Variants in DTNBP1 observed in about 807,000 individuals in gnomAD.
The protein encoded by DTNBP1 is dysbindin.
In DTNBP1, 35 loss-of-function variants were observed where a neutral mutation model predicts 42.8. That is an observed-to-expected ratio of 0.82 (90% confidence interval 0.63 to 1.09). DTNBP1 has a LOEUF of 1.09. Ranked by LOEUF, DTNBP1 falls within the 50% of genes least tolerant of loss-of-function variation. DTNBP1 has a pLI of 0.00. For synonymous variants in DTNBP1, 171 were observed against 162.2 expected (o/e 1.05, Z -0.41); for missense variants, 457 against 424.2 (o/e 1.08, Z -0.68).
At chr6:15,637,650 G>C in intron 4 of DTNBP1, 94 bp downstream of exon 4, 1 of 1,366,046 alleles carries the variant, frequency 7.3e-7, no homozygotes, top group Non-Finnish European at 1.0e-6. Flanking sequence ...AAAACATTTT[G>C]ACACAAACAA....
chr6:15,527,903 T>C (rs1023272166), intron 8 of DTNBP1, among the ~76,000 whole-genome samples: 3 of 152,012 alleles, frequency 2.0e-5, no homozygotes, highest in Admixed American at 6.6e-5. Flanking sequence ...TAACGAGAAA[T>C]AGTAAATCTC....
At position 15,662,843 on chromosome 6, in the gene DTNBP1, C is replaced by T. The variant is rs764317026; in HGVS notation, c.27G>A (p.Leu9=). ...AGGTGAAATCCTGCTGCACGCTCAG[C>T]AGCCGCTCGCGAAGGGTCTCCAGCA... MLETLRER[L]LSVQQDFTSG... is the part of the protein sequence containing the mutation. The change falls in exon 1 of 10, where the codon CTG becomes CTA. Residue 9 remains leucine (L), a synonymous_variant. Transcript: ENST00000344537. 4.3e-6 allele frequency: 7 copies of T among 1,609,404 alleles called. No individual in the cohort carries two copies. In the East Asian group the frequency reaches 1.6e-4, roughly 36 times the overall value.
chr6:15,595,250 CTTTTTTTTTT>C lies in DTNBP1; in HGVS notation c.489-2179_489-2170del, dbSNP rs561001975. On this transcript the variant is annotated intron_variant, in intron 6 of 9. Transcript: ENST00000344537. ...AAAGAAAAAAATCAGTATTATGCAA[CTTTTTTTTTT>C]TTTTTTTTTTTTTTTTTTTTTTGAG... is the stretch of plus-strand genomic sequence containing the variant. 1.4e-3 allele frequency: 428 copies of C among 310,390 alleles called. No homozygotes were observed. The African/African-American group carries it at 0.014, about 10-fold the overall frequency. 19.2% of individuals were successfully genotyped at this position (310,390 alleles called of 1,614,324 possible).
At chr6:15,576,526 A>G (rs1443370970) in intron 7 of DTNBP1, among the ~76,000 whole-genome samples, 2 of 151,860 alleles carry the variant, frequency 1.3e-5, no homozygotes, top group African/African-American at 4.8e-5. Context: ...CTATAATCCC[A>G]GCACTTTGGG....
At position 15,637,757 on chromosome 6, in the gene DTNBP1, GCA is replaced by G. The variant is rs1304969174; in HGVS notation, c.207_208del (p.Ala70LysfsTer8). On this transcript the variant is annotated frameshift_variant, in exon 4 of 10. Transcript: ENST00000344537. LOFTEE classifies it high-confidence loss of function. Reference sequence around the variant, plus strand: ...TCAATTCTTTACCTCTCCAGCACTTGCACAGTCTTTGGCTCTTCTGTGAAGTG... The same window carrying G: ...TCAATTCTTTACCTCTCCAGCACTTGCAGTCTTTGGCTCTTCTGTGAAGTG... 6.2e-7 allele frequency: 1 copy of G among 1,613,696 alleles called. No individual in the cohort carries two copies. Among genetic ancestry groups the G allele is most frequent in the South Asian group, 1.1e-5 (1 of 91,090 alleles).
At chr6:15,562,364 C>G (rs149743632) in intron 7 of DTNBP1, among the ~76,000 whole-genome samples, 7 of 152,034 alleles carry the variant, frequency 4.6e-5, no homozygotes, top group Admixed American at 3.3e-4. Flanking sequence ...AATTGAGAAA[C>G]CTTTGACTTT....
At chr6:15,592,750 A>G (rs574137198) in intron 7 of DTNBP1, among the ~76,000 whole-genome samples, 12 of 152,276 alleles carry the variant, frequency 7.9e-5, no homozygotes, top group African/African-American at 2.9e-4. Context: ...CCCTTTCCAC[A>G]TGGCCCAGAC....
chr6:15,660,270 T>C (rs540722903), intron 1 of DTNBP1: 7 of 1,002,462 alleles, frequency 7.0e-6, no homozygotes, highest in Non-Finnish European at 9.6e-6. Context: ...GTGCTGTGTT[T>C]AGCGTCATCT....
chr6:15,591,751 A>G (rs1337791449), intron 7 of DTNBP1, among the ~76,000 whole-genome samples: 1 of 152,198 alleles, frequency 6.6e-6, no homozygotes, highest in Non-Finnish European at 1.5e-5. Flanking sequence ...ATTTTACATA[A>G]TCTGTGTCCC....
At chr6:15,636,157 C>CT (rs70996562) in intron 4 of DTNBP1, among the ~76,000 whole-genome samples, 25,722 of 126,984 alleles carry the variant, frequency 0.2, 3,213 homozygotes, top group Non-Finnish European at 0.26. Flanking sequence ...TTACCTGCAC[C>CT]TTTTTTTTTT....
At chr6:15,525,034 G>C (rs1772277768) in intron 8 of DTNBP1, among the ~76,000 whole-genome samples, 1 of 152,238 alleles carries the variant, frequency 6.6e-6, no homozygotes, top group South Asian at 2.1e-4. Flanking sequence ...GCCAGCCACA[G>C]CTCTGCTTCC....
In DTNBP1 at chr6:15,637,722, A is replaced by C. The variant is rs778746680; in HGVS notation, c.222+22T>G. 3.1e-6 allele frequency: 5 copies of C among 1,613,260 alleles called. No individual in the cohort carries two copies. In the South Asian group the frequency reaches 3.3e-5, roughly 11 times the overall value. On this transcript the variant is annotated intron_variant, in intron 4 of 9. Transcript: ENST00000344537. The stretch of plus-strand genomic sequence containing the variant: ...TGAAAAAGGAAAGTTTGCCACGAGT[A>C]TAAGATTAGTCAATTCTTTACCTCT...
intron 7 of DTNBP1, among the ~76,000 whole-genome samples, chr6:15,547,589 C>A (rs551471129): frequency 6.6e-6 from 1 of 152,196 alleles, no homozygotes; most frequent in Non-Finnish European, 1.5e-5. Context: ...TTATCCAGAA[C>A]GGAAGAGCTC....
chr6:15,537,255 GT>G (rs892621400), intron 7 of DTNBP1, among the ~76,000 whole-genome samples: 1 of 151,186 alleles, frequency 6.6e-6, no homozygotes. Flanking sequence ...TGTATTTTTT[GT>G]AAAAATACAA....
At chr6:15,625,695 AAAC>A (rs1387608484) in intron 5 of DTNBP1, among the ~76,000 whole-genome samples, 1 of 152,254 alleles carries the variant, frequency 6.6e-6, no homozygotes, top group Non-Finnish European at 1.5e-5. Flanking sequence ...GGTATTAAGC[AAAC>A]AACAACTATC....
At chr6:15,541,834 C>A (rs1161571283) in intron 7 of DTNBP1, among the ~76,000 whole-genome samples, 1 of 151,988 alleles carries the variant, frequency 6.6e-6, no homozygotes, top group Non-Finnish European at 1.5e-5. Flanking sequence ...ATTTCAGGAA[C>A]ATATTCAACA....
chr6:15,545,432 G>A (rs1391864119), intron 7 of DTNBP1, among the ~76,000 whole-genome samples: 8 of 152,086 alleles, frequency 5.3e-5, no homozygotes, highest in African/African-American at 1.2e-4. Flanking sequence ...GTTAACACAC[G>A]TTTTCAAAGA....
At chr6:15,643,814 A>G (rs1045169876) in intron 3 of DTNBP1, among the ~76,000 whole-genome samples, 2 of 152,222 alleles carry the variant, frequency 1.3e-5, no homozygotes, top group African/African-American at 4.8e-5. Context: ...TGAAAGAATG[A>G]TACCTGCTAC....
chr6:15,550,913 C>G (rs2113413271), intron 7 of DTNBP1, among the ~76,000 whole-genome samples: 1 of 152,262 alleles, frequency 6.6e-6, no homozygotes, highest in South Asian at 2.1e-4. Flanking sequence ...GGGGAGCTGT[C>G]AATGTGGGGG....
Sources: gnomAD v4.1 joint callset for allele counts (sites outside exome capture counted in the v4.1 genomes callset) on GRCh38, gnomAD v4.1.1 for gene constraint, MANE v1.5 for transcripts, NCBI Gene and HGNC (gene_info 2026-07-23, HGNC 2026-07-21) for gene names.